The following CNTN6 variants were observed in gnomAD, a reference collection of about 807,000 sequenced individuals.
The protein encoded by CNTN6 is contactin 6, also known as contactin-6.
Under a neutral mutation model 122.8 loss-of-function variants are expected in CNTN6, and 137 were observed. That is an observed-to-expected ratio of 1.12 (90% confidence interval 0.97 to 1.29). The LOEUF is 1.29. Among genes scored for constraint, CNTN6 ranks in the 50% most tolerant of loss-of-function variants. The pLI, the probability that CNTN6 is intolerant of heterozygous loss-of-function variation, is 0.00. For missense variants in CNTN6, 1,634 were observed against 1,223.4 expected (o/e 1.34, Z -5.01); for synonymous variants, 570 against 426.0 (o/e 1.34, Z -4.16).
intron 7 of CNTN6, among the ~76,000 whole-genome samples, chr3:1,305,170 C>T (rs1321167048): frequency 2.0e-5 from 3 of 152,050 alleles, no homozygotes; most frequent in Non-Finnish European, 2.9e-5. Context: ...TTAGGTAGCA[C>T]TCAGAAAACA....
At chr3:1,348,762 C>A (rs531874504) in intron 11 of CNTN6, among the ~76,000 whole-genome samples, 1 of 151,750 alleles carries the variant, frequency 6.6e-6, no homozygotes, top group African/African-American at 2.4e-5. Flanking sequence ...CTAGTGGGTA[C>A]CTTGAGTCAC....
chr3:1,321,144 C>A (rs141267549), intron 7 of CNTN6, among the ~76,000 whole-genome samples: 115 of 151,516 alleles, frequency 7.6e-4, no homozygotes, highest in African/African-American at 2.7e-3. Flanking sequence ...CCTATTAGTA[C>A]CAGTTTAGAT....
chr3:1,371,153 C>T (rs1708957629), intron 12 of CNTN6, among the ~76,000 whole-genome samples: 3 of 152,048 alleles, frequency 2.0e-5, no homozygotes, highest in Admixed American at 2.0e-4. Context: ...AATGCAGTTA[C>T]ACATTAATCA....
chr3:1,216,359 C>T (rs1245217723), intron 2 of CNTN6, among the ~76,000 whole-genome samples: 4 of 152,318 alleles, frequency 2.6e-5, no homozygotes, highest in African/African-American at 9.6e-5. Flanking sequence ...TCCTTCCCTT[C>T]TCTGAGCCTG....
At chr3:1,364,877 T>C (rs1274016691) in intron 12 of CNTN6, among the ~76,000 whole-genome samples, 1 of 151,958 alleles carries the variant, frequency 6.6e-6, no homozygotes, top group Admixed American at 6.6e-5. Flanking sequence ...ATGAAGCTGT[T>C]TTTATATAAT....
chr3:1,103,067 C>G (rs1384273584), intron 1 of CNTN6, among the ~76,000 whole-genome samples: 1 of 151,854 alleles, frequency 6.6e-6, no homozygotes, highest in Non-Finnish European at 1.5e-5. Context: ...GATGGCGCCA[C>G]CGCACTCCAG....
intron 11 of CNTN6, among the ~76,000 whole-genome samples, chr3:1,346,099 T>A (rs893649729): frequency 1.3e-5 from 2 of 152,122 alleles, no homozygotes; most frequent in South Asian, 4.1e-4. Context: ...TTATTTTCCA[T>A]TCACACCTTG....
chr3:1,371,060 TTCTACTTCTAAATATTTATGAA>T (rs1708947583), intron 12 of CNTN6, among the ~76,000 whole-genome samples: 1 of 152,176 alleles, frequency 6.6e-6, no homozygotes, highest in Non-Finnish European at 1.5e-5. Flanking sequence ...ACTTCCTACT[TTCTACTTCTAAATATTTATGAA>T]TGAAGAAAAC....
intron 5 of CNTN6, among the ~76,000 whole-genome samples, chr3:1,284,835 C>G (rs983736778): frequency 3.9e-5 from 6 of 152,156 alleles, no homozygotes; most frequent in African/African-American, 1.4e-4. Context: ...AATAGCATGT[C>G]AAAGAACCTG....
At chr3:1,276,383 A>T (rs575285553) in intron 4 of CNTN6, among the ~76,000 whole-genome samples, 2 of 152,320 alleles carry the variant, frequency 1.3e-5, no homozygotes, top group East Asian at 3.9e-4. Flanking sequence ...TTTCAATGAC[A>T]TGACTTTCTA....
At chr3:1,311,347 GTCTTTATAT>G (rs1699230689) in intron 7 of CNTN6, among the ~76,000 whole-genome samples, 3 of 130,490 alleles carry the variant, frequency 2.3e-5, no homozygotes, top group African/African-American at 9.0e-5. Flanking sequence ...CATATAAAAT[GTCTTTATAT>G]GTACATATAT....
At chr3:1,368,182 C>CA (rs1366156592) in intron 12 of CNTN6, among the ~76,000 whole-genome samples, 3 of 152,130 alleles carry the variant, frequency 2.0e-5, no homozygotes, top group Admixed American at 2.0e-4. Context: ...ATTGAAGATA[C>CA]AAAAATGGAA....
At chr3:1,401,646 T>A in intron 21 of CNTN6, 101 bp downstream of exon 21, 1 of 710,330 alleles carries the variant, frequency 1.4e-6, no homozygotes, top group Non-Finnish European at 2.4e-6. Context: ...ATGGAAACAC[T>A]GGAATCTTTT....
rs1709414058 is a variant in CNTN6 at position 1,373,603 on chromosome 3, G to C, written c.1787-1G>C. 2 of 1,604,584 alleles carry C rather than the reference G, an allele frequency of 1.2e-6. No homozygotes were observed. The highest frequency in any genetic ancestry group is 1.4e-5 in the African/African-American group (1 of 74,026). On this transcript the variant is annotated splice_acceptor_variant, in intron 14 of 22. Transcript: ENST00000446702. LOFTEE classifies it high-confidence loss of function. Reference sequence around the variant, plus strand: ...AGTCATGATAAAACATTTTTTTCAAGGTCCACCAGGTCCTCCTGAGGATGT... The same window carrying C: ...AGTCATGATAAAACATTTTTTTCAACGTCCACCAGGTCCTCCTGAGGATGT...
chr3:1,365,495 T>C (rs1450425911), intron 12 of CNTN6, among the ~76,000 whole-genome samples: 1 of 152,002 alleles, frequency 6.6e-6, no homozygotes, highest in Non-Finnish European at 1.5e-5. Flanking sequence ...TTTAATCCTC[T>C]TCAATCATGA....
At chr3:1,103,087 C>A (rs911879129) in intron 1 of CNTN6, among the ~76,000 whole-genome samples, 2 of 151,992 alleles carry the variant, frequency 1.3e-5, no homozygotes. Context: ...GCCTGGGCGA[C>A]AGAGCCAGAC....
intron 2 of CNTN6, among the ~76,000 whole-genome samples, chr3:1,206,482 G>T (rs2093959577): frequency 6.6e-6 from 1 of 152,046 alleles, no homozygotes; most frequent in Non-Finnish European, 1.5e-5. Context: ...TCAAGGTATT[G>T]TCTTCTCCCT....
At chr3:1,329,141 A>C (rs1301660846) in intron 10 of CNTN6, among the ~76,000 whole-genome samples, 3 of 151,248 alleles carry the variant, frequency 2.0e-5, no homozygotes, top group African/African-American at 7.3e-5. Flanking sequence ...TCAACATCAT[A>C]TGTTCCATTG....
Position 1,326,354 on chromosome 3 carries a change from C to G in CNTN6, c.1083+403C>G, listed in dbSNP as rs549202706. Among the ~76,000 whole-genome samples the G allele has an allele frequency of 5.9e-5, 9 of 151,838 alleles. No homozygotes were observed. The East Asian group carries it at 1.6e-3, about 26-fold the overall frequency. On this transcript the variant is annotated intron_variant, in intron 9 of 22. Coordinates refer to ENST00000446702, the MANE Select transcript of CNTN6 (RefSeq NM_001289080.2). ...TTATAAGAGAGATACAAGTATTATT[C>G]CTTTATGTAAATGAAGAAAATGAGT... is the stretch of plus-strand genomic sequence containing the variant.
Sources: gnomAD v4.1 joint callset for allele counts (sites outside exome capture counted in the v4.1 genomes callset) on GRCh38, gnomAD v4.1.1 for gene constraint, MANE v1.5 for transcripts, NCBI Gene and HGNC (gene_info 2026-07-23, HGNC 2026-07-21) for gene names.